Variants in KIAA0825 observed in about 807,000 individuals in gnomAD.
KIAA0825 encodes the protein KIAA0825.
In KIAA0825, 119 loss-of-function variants were observed where a neutral mutation model predicts 147.6. The observed-to-expected ratio is 0.81, with a 90% confidence interval of 0.69 to 0.94. The LOEUF is 0.94. KIAA0825 is among the 40% of genes least tolerant of loss of function. KIAA0825 has a pLI of 0.00. For missense variants in KIAA0825, 1,381 were observed against 1,472.7 expected (o/e 0.94, Z 1.02); for synonymous variants, 470 against 518.1 (o/e 0.91, Z 1.26).
intron 20 of KIAA0825, among the ~76,000 whole-genome samples, chr5:94,158,615 G>A (rs1199506729): frequency 6.6e-6 from 1 of 152,148 alleles, no homozygotes; most frequent in African/African-American, 2.4e-5. Flanking sequence ...AAAATAGGAA[G>A]AATCCCTAGC....
rs2149892968 is a variant in KIAA0825 at position 94,151,585 on chromosome 5, G to C, written c.*2422C>G. 6.6e-6 allele frequency among the ~76,000 whole-genome samples: 1 copy of C among 152,064 alleles called. No homozygotes were observed. The highest frequency in any genetic ancestry group is 2.1e-4 in the South Asian group (1 of 4,822). ...GCACAGAATAGAATTCAACTGCAAGGCCTCTTTCTCTCCTACTTTTATCTT... is the reference window on the plus strand; with the variant it reads ...GCACAGAATAGAATTCAACTGCAAGCCCTCTTTCTCTCCTACTTTTATCTT... On this transcript the variant is annotated 3_prime_UTR_variant, in exon 21 of 21. Coordinates refer to ENST00000682413, the MANE Select transcript of KIAA0825 (RefSeq NM_001145678.3).
intron 11 of KIAA0825, among the ~76,000 whole-genome samples, chr5:94,463,981 A>G (rs1166258613): frequency 1.3e-5 from 2 of 150,318 alleles, no homozygotes; most frequent in African/African-American, 4.9e-5. Flanking sequence ...TACCATATTT[A>G]TGAAACACTG....
At position 94,367,281 on chromosome 5, in the gene KIAA0825, G is replaced by A. The variant is rs1396030727; in HGVS notation, c.3710+17087C>T. Reference sequence around the variant, plus strand: ...GGAGGCTGAGGCGGGTGGATCACCCGAGGTGAGGAGTTTGAGGCCAGCCTG... The same window carrying A: ...GGAGGCTGAGGCGGGTGGATCACCCAAGGTGAGGAGTTTGAGGCCAGCCTG... On this transcript the variant is annotated intron_variant, in intron 20 of 20. Transcript: ENST00000682413. Among the ~76,000 whole-genome samples the A allele has an allele frequency of 8.5e-5, 13 of 152,164 alleles. 1 individual carries two copies. The highest frequency in any genetic ancestry group is 7.9e-4 in the Admixed American group (12 of 15,278).
At chr5:94,533,781 T>A (rs754187572) in intron 3 of KIAA0825, among the ~76,000 whole-genome samples, 17 of 152,236 alleles carry the variant, frequency 1.1e-4, no homozygotes, top group Non-Finnish European at 2.2e-4. Context: ...AAATGATTCA[T>A]CATCACTAAT....
intron 20 of KIAA0825, among the ~76,000 whole-genome samples, chr5:94,275,701 A>G (rs909845619): frequency 2.0e-5 from 3 of 152,290 alleles, no homozygotes; most frequent in African/African-American, 4.8e-5. Flanking sequence ...AATGTTGTCT[A>G]TGACATGTTG....
intron 18 of KIAA0825, among the ~76,000 whole-genome samples, chr5:94,389,381 G>A (rs1019150451): frequency 6.6e-6 from 1 of 152,146 alleles, no homozygotes; most frequent in African/African-American, 2.4e-5. Context: ...GCCAGCTCTG[G>A]GTCTCTTCAG....
At chr5:94,303,059 T>C (rs756705705) in intron 20 of KIAA0825, among the ~76,000 whole-genome samples, 6 of 151,890 alleles carry the variant, frequency 4.0e-5, no homozygotes, top group Non-Finnish European at 8.8e-5. Context: ...CAACACACAA[T>C]TGCATATACA....
intron 20 of KIAA0825, among the ~76,000 whole-genome samples, chr5:94,237,043 ATGTGTGTGTG>A (rs36021428): frequency 9.6e-4 from 142 of 147,584 alleles, no homozygotes; most frequent in African/African-American, 3.4e-3. Context: ...AATAGGCTAT[ATGTGTGTGTG>A]TGTGTGTGTG....
intron 2 of KIAA0825, among the ~76,000 whole-genome samples, chr5:94,544,067 T>C (rs1773866034): frequency 6.6e-6 from 1 of 152,216 alleles, no homozygotes; most frequent in South Asian, 2.1e-4. Flanking sequence ...CTCTATGGAC[T>C]CACCCTGAAT....
At chr5:94,484,503 A>C (rs1221469357) in intron 6 of KIAA0825, among the ~76,000 whole-genome samples, 1 of 151,812 alleles carries the variant, frequency 6.6e-6, no homozygotes, top group East Asian at 1.9e-4. Flanking sequence ...TTTCTTTGAA[A>C]AGAAAAATTG....
At chr5:94,577,639 C>G (rs1781322599) in intron 2 of KIAA0825, among the ~76,000 whole-genome samples, 1 of 152,186 alleles carries the variant, frequency 6.6e-6, no homozygotes, top group African/African-American at 2.4e-5. Flanking sequence ...TTTCCAAAAA[C>G]ATGCCAACTC....
chr5:94,170,544 A>G (rs921994862), intron 20 of KIAA0825, among the ~76,000 whole-genome samples: 3 of 152,176 alleles, frequency 2.0e-5, no homozygotes, highest in Non-Finnish European at 2.9e-5. Context: ...TGCTGCATCA[A>G]GGAGGTTGAG....
At chr5:94,268,860 C>A (rs1448364949) in intron 20 of KIAA0825, among the ~76,000 whole-genome samples, 2 of 152,074 alleles carry the variant, frequency 1.3e-5, no homozygotes, top group Non-Finnish European at 2.9e-5. Context: ...TCTTGTGCAA[C>A]CTTGCTTCTT....
intron 20 of KIAA0825, among the ~76,000 whole-genome samples, chr5:94,162,804 T>G (rs1405424171): frequency 6.6e-6 from 1 of 152,236 alleles, no homozygotes; most frequent in East Asian, 1.9e-4. Context: ...GTTTAGTGTT[T>G]TGTACACTGT....
At chr5:94,221,348 T>A (rs1368890780) in intron 20 of KIAA0825, among the ~76,000 whole-genome samples, 2 of 152,226 alleles carry the variant, frequency 1.3e-5, no homozygotes, top group East Asian at 3.8e-4. Context: ...TGTGTATTTC[T>A]ACAGTGGCCT....
chr5:94,223,566 G>A (rs1040780450), intron 20 of KIAA0825, among the ~76,000 whole-genome samples: 4 of 152,262 alleles, frequency 2.6e-5, no homozygotes, highest in African/African-American at 4.8e-5. Flanking sequence ...CTTGACAAAC[G>A]TTTTCCAAGT....
At chr5:94,258,765 A>G (rs1776361505) in intron 20 of KIAA0825, among the ~76,000 whole-genome samples, 1 of 152,050 alleles carries the variant, frequency 6.6e-6, no homozygotes, top group African/African-American at 2.4e-5. Flanking sequence ...TGGTAAAAAG[A>G]CAACTTTCTT....
intron 10 of KIAA0825, among the ~76,000 whole-genome samples, chr5:94,468,468 A>G (rs1315806904): frequency 6.6e-6 from 1 of 152,170 alleles, no homozygotes; most frequent in African/African-American, 2.4e-5. Context: ...CAATACTTTA[A>G]TTCTTATCTC....
At chr5:94,530,740 G>A (rs1379667893) in intron 3 of KIAA0825, among the ~76,000 whole-genome samples, 1 of 152,096 alleles carries the variant, frequency 6.6e-6, no homozygotes, top group African/African-American at 2.4e-5. Flanking sequence ...TGTTACCATG[G>A]CTCCAGTCCT....
Sources: allele counts gnomAD v4.1 joint callset (sites outside exome capture counted in the v4.1 genomes callset), GRCh38; gene constraint gnomAD v4.1.1; transcripts MANE v1.5; gene names NCBI Gene and HGNC (gene_info 2026-07-23, HGNC 2026-07-21).